Variants in RBFOX3 observed in about 807,000 individuals in gnomAD.
RBFOX3 encodes the protein RNA binding protein fox-1 homolog 3.
A neutral mutation model predicts 48.7 loss-of-function variants in RBFOX3; 17 were observed. The ratio of observed to expected loss-of-function variants is 0.35; its 90% CI spans 0.24 to 0.52. The LOEUF is 0.52. RBFOX3 is among the 20% of genes least tolerant of loss of function. The pLI, the probability that RBFOX3 is intolerant of heterozygous loss-of-function variation, is 0.94. For missense variants in RBFOX3, 382 were observed against 497.5 expected (o/e 0.77, Z 2.21); for synonymous variants, 212 against 209.5 (o/e 1.01, Z -0.10).
chr17:79,158,077 A>G (rs2046216345), intron 4 of RBFOX3, among the ~76,000 whole-genome samples: 1 of 152,218 alleles, frequency 6.6e-6, no homozygotes. Flanking sequence ...GCCCTAATCC[A>G]ACATGACTAG....
intron 11 of RBFOX3, 82 bp downstream of exon 11, chr17:79,097,210 C>G: frequency 1.6e-6 from 2 of 1,235,924 alleles, no homozygotes; most frequent in South Asian, 1.6e-5. Flanking sequence ...CCTAGCCCCT[C>G]GCACTGCGCA....
At chr17:79,354,679 G>A (rs1309834902) in intron 2 of RBFOX3, among the ~76,000 whole-genome samples, 2 of 152,276 alleles carry the variant, frequency 1.3e-5, no homozygotes, top group Non-Finnish European at 2.9e-5. Context: ...CTCTGGTGCA[G>A]CTGTGGGGGG....
chr17:79,223,388 G>A (rs542204177), intron 4 of RBFOX3, among the ~76,000 whole-genome samples: 1 of 152,268 alleles, frequency 6.6e-6, no homozygotes, highest in Non-Finnish European at 1.5e-5. Context: ...ACAAACAGCT[G>A]CGTATACATG....
intron 1 of RBFOX3, among the ~76,000 whole-genome samples, chr17:79,491,551 C>T (rs1439289057): frequency 2.6e-5 from 4 of 151,926 alleles, no homozygotes; most frequent in African/African-American, 9.7e-5. Flanking sequence ...ACTCGGTGAC[C>T]AGTCCCACCC....
At chr17:79,651,713 G>T in the RBFOX3 span, among the ~76,000 whole-genome samples, 2 of 77,910 alleles carry the variant, frequency 2.6e-5, no homozygotes, top group Non-Finnish European at 5.2e-5. Flanking sequence ...CTCCCTCCCT[G>T]TCTCTCTTTC....
intron 2 of RBFOX3, among the ~76,000 whole-genome samples, chr17:79,431,417 G>T (rs1364485657): frequency 1.3e-5 from 2 of 151,776 alleles, no homozygotes; most frequent in Admixed American, 6.6e-5. Flanking sequence ...GGGTTCAAAC[G>T]ATTCTCCTGC....
In RBFOX3 at chr17:79,249,680, C is replaced by T. The variant is rs2063660431; in HGVS notation, c.-73-13875G>A. Reference sequence around the variant, plus strand: ...AACCAGCCAGCCCCAAAACCACTTCCCCTGCCTCGCCCGTTCCTTCCTAGG... The same window carrying T: ...AACCAGCCAGCCCCAAAACCACTTCTCCTGCCTCGCCCGTTCCTTCCTAGG... On this transcript the variant is annotated intron_variant, in intron 3 of 14. Transcript: ENST00000693108. The surrounding 1 kb of genome is among the most constrained non-coding windows in gnomAD (Gnocchi z 4.1). Among the ~76,000 whole-genome samples the T allele has an allele frequency of 6.8e-6, 1 of 147,310 alleles. No homozygotes were observed. Among genetic ancestry groups the T allele is most frequent in the African/African-American group, 2.4e-5 (1 of 41,218 alleles).
intron 2 of RBFOX3, among the ~76,000 whole-genome samples, chr17:79,369,094 C>A (rs2058173918): frequency 6.6e-6 from 1 of 152,174 alleles, no homozygotes; most frequent in Admixed American, 6.5e-5. Context: ...CTGGGGGCAT[C>A]TGCTCTGAGC....
At chr17:79,469,689 C>T (rs1555755822) in intron 2 of RBFOX3, among the ~76,000 whole-genome samples, 1 of 152,158 alleles carries the variant, frequency 6.6e-6, no homozygotes, top group Non-Finnish European at 1.5e-5. Context: ...GGTTTGGCCT[C>T]CCTCATTCCA....
chr17:79,545,915 C>T (rs1254704713), intron 1 of RBFOX3, among the ~76,000 whole-genome samples: 1 of 152,234 alleles, frequency 6.6e-6, no homozygotes, highest in East Asian at 1.9e-4. Context: ...TTGATCATTC[C>T]TATATAGCTA....
chr17:79,357,801 TG>T (rs1275438764), intron 2 of RBFOX3, among the ~76,000 whole-genome samples: 1 of 146,212 alleles, frequency 6.8e-6, no homozygotes, highest in Non-Finnish European at 1.5e-5. Context: ...ACCTCAAGGG[TG>T]TTTTTTTTTT....
At chr17:79,587,179 A>AC (rs1309335731) in intron 1 of RBFOX3, among the ~76,000 whole-genome samples, 2 of 151,814 alleles carry the variant, frequency 1.3e-5, no homozygotes, top group African/African-American at 4.8e-5. Context: ...ACTCTCCAAG[A>AC]CCCCCCGCAA....
upstream of RBFOX3, among the ~76,000 whole-genome samples, chr17:79,611,220 C>T (rs2093967077): frequency 1.7e-5 from 2 of 116,726 alleles, no homozygotes; most frequent in Non-Finnish European, 3.2e-5. Flanking sequence ...TCTCGTTCCT[C>T]TGGCTCGTTC....
chr17:79,656,131 G>T, the RBFOX3 span, among the ~76,000 whole-genome samples: 142,123 of 152,210 alleles, frequency 0.93, 67,081 homozygotes, highest in Non-Finnish European at 1. Flanking sequence ...GCTCTGCTCT[G>T]TGAACAGCCC....
intron 4 of RBFOX3, among the ~76,000 whole-genome samples, chr17:79,153,472 T>G (rs2045061359): frequency 6.6e-6 from 1 of 152,148 alleles, no homozygotes; most frequent in Admixed American, 6.5e-5. Flanking sequence ...GTGTCAGGGC[T>G]GGGGACTTCA....
intron 2 of RBFOX3, among the ~76,000 whole-genome samples, chr17:79,379,735 G>A (rs963854711): frequency 6.6e-6 from 1 of 152,166 alleles, no homozygotes; most frequent in African/African-American, 2.4e-5. Context: ...CGCCCCCGAA[G>A]ATGGCTTCCC....
At chr17:79,098,734 G>T in intron 9 of RBFOX3, 1 of 152,502 alleles carries the variant, frequency 6.6e-6, no homozygotes, top group Non-Finnish European at 1.5e-5. Flanking sequence ...AGGGCTTCTT[G>T]ACGAGGCCCA....
chr17:79,460,788 C>T (rs372595369), intron 2 of RBFOX3, among the ~76,000 whole-genome samples: 51 of 152,304 alleles, frequency 3.3e-4, no homozygotes, highest in African/African-American at 1.2e-3. Context: ...CACTTTCCAC[C>T]GTGGGAGGAT....
At chr17:79,203,115 T>A (rs974261955) in intron 4 of RBFOX3, among the ~76,000 whole-genome samples, 4 of 151,728 alleles carry the variant, frequency 2.6e-5, no homozygotes, top group Admixed American at 1.3e-4. Flanking sequence ...GTTCCTAAGA[T>A]GCCTAGAAAG....
Sources: gnomAD v4.1 joint callset for allele counts (sites outside exome capture counted in the v4.1 genomes callset) on GRCh38, gnomAD v4.1.1 for gene constraint, Gnocchi (gnomAD v3.1) non-coding constraint, MANE v1.5 for transcripts, NCBI Gene and HGNC (gene_info 2026-07-23, HGNC 2026-07-21) for gene names.